Variants in ANXA8 observed in about 807,000 individuals in gnomAD.
ANXA8 encodes VAC-beta.
ANXA8 carries 9 observed loss-of-function variants against 26.8 expected under a neutral mutation model. The observed-to-expected ratio is 0.34, with a 90% CI of 0.20 to 0.59. The LOEUF is 0.59. Among genes scored for constraint, ANXA8 ranks in the 20% least tolerant of loss-of-function variants. The probability of loss-of-function intolerance (pLI) is 0.84; values close to 1 mark genes in which losing one functional copy is unlikely to be tolerated. For missense variants in ANXA8, 83 were observed against 238.5 expected, an observed-to-expected ratio of 0.35 and a Z score of 4.29; for synonymous variants, 39 against 94.8, an observed-to-expected ratio of 0.41 and a Z score of 3.42.
At chr10:47,679,042 C>CAAAAAA in the ANXA8 span, among the ~76,000 whole-genome samples, 4 of 65,060 alleles carry the variant, frequency 6.1e-5, no homozygotes, top group Admixed American at 1.7e-4. Context: ...GAACCTATCT[C>CAAAAAA]AAAAAAAAAA....
chr10:47,607,289 T>C, the ANXA8 span, among the ~76,000 whole-genome samples: 68 of 133,638 alleles, frequency 5.1e-4, no homozygotes, highest in Non-Finnish European at 8.8e-4. Context: ...ATAAGCTAAA[T>C]TTATAGATAT....
At chr10:47,667,639 G>A in the ANXA8 span, among the ~76,000 whole-genome samples, 10 of 151,202 alleles carry the variant, frequency 6.6e-5, no homozygotes, top group Admixed American at 1.3e-4. Flanking sequence ...AACAACCTCC[G>A]CCTCCTGGGT....
the ANXA8 span, among the ~76,000 whole-genome samples, chr10:47,507,990 G>A: frequency 7.7e-5 from 9 of 116,372 alleles, 2 homozygotes; most frequent in Middle Eastern, 8.7e-3. Context: ...CACCACCCAG[G>A]TTCAAGCGAT....
At chr10:47,720,370 T>C in the ANXA8 span, among the ~76,000 whole-genome samples, 2,968 of 145,780 alleles carry the variant, frequency 0.02, 309 homozygotes, top group African/African-American at 0.071. Context: ...AAATAACTCA[T>C]TTTCCCACCT....
chr10:47,581,141 C>T, the ANXA8 span: 2 of 319,088 alleles, frequency 6.3e-6, no homozygotes, highest in Non-Finnish European at 1.2e-5. Context: ...CACAGTCTAC[C>T]ATAGCACAAA....
At chr10:47,973,735 T>C in the ANXA8 span, among the ~76,000 whole-genome samples, 1 of 151,008 alleles carries the variant, frequency 6.6e-6, no homozygotes, top group Non-Finnish European at 1.5e-5. Context: ...GCTACCTGGA[T>C]TGTTTATTGG....
chr10:47,613,892 C>T, the ANXA8 span, among the ~76,000 whole-genome samples: 1 of 75,504 alleles, frequency 1.3e-5, no homozygotes, highest in Non-Finnish European at 3.4e-5. Context: ...GTAATGCTCA[C>T]TCATCCACCT....
the ANXA8 span, among the ~76,000 whole-genome samples, chr10:47,606,019 T>C: frequency 1.9e-4 from 29 of 150,246 alleles, no homozygotes; most frequent in Non-Finnish European, 3.7e-4. Flanking sequence ...AACCACACTT[T>C]AAGCAAGAAC....
chr10:47,653,538 G>A, the ANXA8 span, among the ~76,000 whole-genome samples: 1 of 151,602 alleles, frequency 6.6e-6, no homozygotes, highest in Non-Finnish European at 1.5e-5. Flanking sequence ...GGAAAATTAA[G>A]GACATTTTGG....
chr10:47,737,068 C>A, the ANXA8 span, among the ~76,000 whole-genome samples: 1 of 148,248 alleles, frequency 6.7e-6, no homozygotes, highest in African/African-American at 2.5e-5. Context: ...GTGGGAGAAG[C>A]CTTTTATTAA....
chr10:47,548,412 C>T, the ANXA8 span, among the ~76,000 whole-genome samples: 1 of 151,102 alleles, frequency 6.6e-6, no homozygotes, highest in African/African-American at 2.4e-5. Context: ...AGCGATTCTC[C>T]TGCCTCAGCC....
At chr10:47,660,460 G>A in the ANXA8 span, among the ~76,000 whole-genome samples, 1 of 151,604 alleles carries the variant, frequency 6.6e-6, no homozygotes, top group East Asian at 1.9e-4. Flanking sequence ...GAGTGCAGTG[G>A]TGTGATCTCG....
chr10:47,769,284 G>C, the ANXA8 span, among the ~76,000 whole-genome samples: 1 of 150,680 alleles, frequency 6.6e-6, no homozygotes, highest in South Asian at 2.1e-4. Context: ...CATCAAGACA[G>C]AACTTTCCAA....
chr10:47,703,064 C>A, the ANXA8 span, among the ~76,000 whole-genome samples: 1 of 150,046 alleles, frequency 6.7e-6, no homozygotes, highest in African/African-American at 2.5e-5. Context: ...AATGCAAGAG[C>A]CAACCTGAAG....
At chr10:47,912,358 C>CT in the ANXA8 span, among the ~76,000 whole-genome samples, 1 of 147,442 alleles carries the variant, frequency 6.8e-6, no homozygotes, top group East Asian at 2.1e-4. Flanking sequence ...GTTGGTCCCC[C>CT]TGCATATACC....
At chr10:47,599,133 T>C in the ANXA8 span, among the ~76,000 whole-genome samples, 1 of 146,766 alleles carries the variant, frequency 6.8e-6, no homozygotes, top group African/African-American at 2.7e-5. Flanking sequence ...AACATGGTAT[T>C]GAAATAATTT....
chr10:47,469,264 A>G (rs1202327364), intron 11 of ANXA8, among the ~76,000 whole-genome samples: 2 of 149,754 alleles, frequency 1.3e-5, no homozygotes, highest in Admixed American at 1.3e-4. Context: ...ATTATTCAAC[A>G]CCTGCTGTGG....
chr10:47,683,018 T>G, the ANXA8 span, among the ~76,000 whole-genome samples: 2 of 152,198 alleles, frequency 1.3e-5, no homozygotes, highest in Admixed American at 1.3e-4. Context: ...TTAAAAGTTA[T>G]GCAAAGAGAG....
At chr10:47,490,045 C>A in the ANXA8 span, among the ~76,000 whole-genome samples, 62 of 149,778 alleles carry the variant, frequency 4.1e-4, no homozygotes, top group African/African-American at 1.5e-3. Context: ...GGCAGTCTTG[C>A]CAGCTGAGAC....
Sources: gnomAD v4.1 joint callset for allele counts (sites outside exome capture counted in the v4.1 genomes callset) on GRCh38, gnomAD v4.1.1 for gene constraint, MANE v1.5 for transcripts, NCBI Gene and HGNC (gene_info 2026-07-23, HGNC 2026-07-21) for gene names.